Variants in MAP2 observed in about 807,000 individuals in gnomAD.
MAP2 encodes the protein microtubule-associated protein 2.
In MAP2, 14 loss-of-function variants were observed where a neutral mutation model predicts 137.6. The observed-to-expected ratio is 0.10, with a 90% CI of 0.07 to 0.16. The LOEUF is 0.16. Ranked by LOEUF, MAP2 falls within the 10% of genes least tolerant of loss-of-function variation. MAP2 has a pLI of 1.00. For missense variants in MAP2, 2,088 were observed against 2,191.5 expected (o/e 0.95, Z 0.94); for synonymous variants, 786 against 782.3 (o/e 1.00, Z -0.08).
At chr2:209,668,983 A>G (rs1185143585) in intron 5 of MAP2, among the ~76,000 whole-genome samples, 2 of 152,116 alleles carry the variant, frequency 1.3e-5, no homozygotes, top group East Asian at 1.9e-4. Flanking sequence ...TGAAAATTAC[A>G]AAGAACTACC....
chr2:209,499,802 G>A (rs1456787215), intron 1 of MAP2, among the ~76,000 whole-genome samples: 2 of 151,986 alleles, frequency 1.3e-5, no homozygotes, highest in Admixed American at 6.5e-5. Context: ...GGAGAATGCC[G>A]GGAGGAGGTG....
chr2:209,619,701 GT>G (rs1407229325), intron 3 of MAP2, among the ~76,000 whole-genome samples: 1 of 152,080 alleles, frequency 6.6e-6, no homozygotes, highest in African/African-American at 2.4e-5. Context: ...AGCAAAGTGA[GT>G]TTTAAGCTGA....
intron 4 of MAP2, among the ~76,000 whole-genome samples, chr2:209,652,718 G>A (rs576227102): frequency 1.1e-4 from 17 of 152,104 alleles, no homozygotes; most frequent in South Asian, 6.2e-4. Context: ...TTTCTAGCCC[G>A]TTTTCTCATA....
intron 1 of MAP2, among the ~76,000 whole-genome samples, chr2:209,478,163 C>T (rs1322083839): frequency 2.6e-5 from 4 of 152,044 alleles, no homozygotes; most frequent in Non-Finnish European, 5.9e-5. Context: ...TTCTGGTAAA[C>T]ACGTCATTAT....
rs879695869 is a variant in MAP2, at chr2:209,511,884, C to T, written c.-172+4243C>T. 2.6e-5 allele frequency among the ~76,000 whole-genome samples: 4 copies of T among 152,128 alleles called. No individual in the cohort carries two copies. In the East Asian group the frequency reaches 7.7e-4, roughly 29 times the overall value. ...ACTGTGCCTGGTCAATTACCTATGACTGAATCATTAATATTTATCTGAAAT... is the reference window on the plus strand; with the variant it reads ...ACTGTGCCTGGTCAATTACCTATGATTGAATCATTAATATTTATCTGAAAT... On this transcript the variant is annotated intron_variant, in intron 2 of 15. Coordinates refer to ENST00000682079, the MANE Select transcript of MAP2 (RefSeq NM_001375505.1).
intron 4 of MAP2, among the ~76,000 whole-genome samples, chr2:209,637,141 G>A (rs934872317): frequency 6.6e-6 from 1 of 152,110 alleles, no homozygotes; most frequent in Non-Finnish European, 1.5e-5. Context: ...TGGAATCCCA[G>A]AAAGAAAAGG....
At chr2:209,528,163 A>G (rs1007252332) in intron 2 of MAP2, among the ~76,000 whole-genome samples, 1 of 143,130 alleles carries the variant, frequency 7.0e-6, no homozygotes, top group Non-Finnish European at 1.5e-5. Flanking sequence ...TGTAATTCCC[A>G]TTTATTTTTA....
chr2:209,602,292 G>A (rs1033027707), intron 3 of MAP2, among the ~76,000 whole-genome samples: 1 of 152,194 alleles, frequency 6.6e-6, no homozygotes, highest in African/African-American at 2.4e-5. Context: ...AAAGACAAAT[G>A]TAAAAACTAT....
intron 1 of MAP2, among the ~76,000 whole-genome samples, chr2:209,504,304 A>C (rs566563531): frequency 5.9e-5 from 9 of 152,176 alleles, no homozygotes; most frequent in African/African-American, 2.2e-4. Flanking sequence ...TGTTTTTGCT[A>C]TGAAAGTATA....
chr2:209,478,383 G>A (rs72997619), intron 1 of MAP2, among the ~76,000 whole-genome samples: 6,678 of 152,134 alleles, frequency 0.044, 198 homozygotes, highest in Middle Eastern at 0.088. Flanking sequence ...GTGAGTTAAC[G>A]CATCCAAAGA....
intron 5 of MAP2, among the ~76,000 whole-genome samples, chr2:209,667,639 A>G (rs1316016247): frequency 6.6e-6 from 1 of 151,944 alleles, no homozygotes; most frequent in Admixed American, 6.6e-5. Flanking sequence ...ATCATAGTAA[A>G]TTGAATTTTC....
chr2:209,653,521 C>G, intron 5 of MAP2, 89 bp downstream of exon 5: 1 of 1,312,252 alleles, frequency 7.6e-7, no homozygotes, highest in East Asian at 2.5e-5. Context: ...AGCACTGATC[C>G]TCTTTCACTA....
intron 13 of MAP2, among the ~76,000 whole-genome samples, chr2:209,725,311 C>T (rs2073478673): frequency 6.6e-6 from 1 of 152,202 alleles, no homozygotes; most frequent in African/African-American, 2.4e-5. Flanking sequence ...CTATGAGCAA[C>T]ATTGGTCACT....
At chr2:209,517,862 AT>A (rs36089216) in intron 2 of MAP2, among the ~76,000 whole-genome samples, 33,844 of 150,634 alleles carry the variant, frequency 0.22, 5,067 homozygotes, top group African/African-American at 0.42. Context: ...AACCAAACAG[AT>A]TTTTTTTTTA....
chr2:209,477,908 G>A (rs919526046), intron 1 of MAP2, among the ~76,000 whole-genome samples: 2 of 152,080 alleles, frequency 1.3e-5, no homozygotes, highest in African/African-American at 4.8e-5. Flanking sequence ...GGAGGCTGAG[G>A]TGTGAGGATG....
intron 1 of MAP2, among the ~76,000 whole-genome samples, chr2:209,484,951 C>T (rs1011382382): frequency 2.6e-5 from 4 of 152,160 alleles, no homozygotes; most frequent in Non-Finnish European, 4.4e-5. Context: ...ACATTGAAAT[C>T]GGGCCGATAG....
At chr2:209,507,452 TA>T (rs911667674) in intron 1 of MAP2, 139 bp from the exon 2 acceptor site, 69 of 152,268 alleles carry the variant, frequency 4.5e-4, no homozygotes, top group African/African-American at 1.6e-3. Context: ...TCACGTATTG[TA>T]AATGGATGTG....
At chr2:209,677,544 A>T (rs184058017) in intron 5 of MAP2, among the ~76,000 whole-genome samples, 9 of 152,196 alleles carry the variant, frequency 5.9e-5, no homozygotes, top group Non-Finnish European at 1.2e-4. Context: ...ATAGCTGAGC[A>T]GGTCTGATAG....
rs757386672 is a variant in MAP2 at position 209,695,987 on chromosome 2, T to C, written c.3817T>C (p.Cys1273Arg). 3 of 1,614,126 alleles carry C rather than the reference T, an allele frequency of 1.9e-6. No homozygotes were observed. Among genetic ancestry groups the C allele is most frequent in the Non-Finnish European group, 2.5e-6 (3 of 1,180,014 alleles). ...TGCCAGGGAGGAATTTGTGGAGACCTGCCCAAGTGAACACAAAGGAGTGAT... is the reference window on the plus strand; with the variant it reads ...TGCCAGGGAGGAATTTGTGGAGACCCGCCCAAGTGAACACAAAGGAGTGAT... Reference protein sequence around the residue: ...SGAREEFVETCPSEHKGVIES... With the variant: ...SGAREEFVETRPSEHKGVIES... Residue 1273 changes from cysteine (C) to arginine (R), a missense_variant, in exon 8 of 16, where the codon TGC (cysteine) becomes CGC (arginine). By Grantham distance (180) the Cys-to-Arg change is radical. Transcript: ENST00000682079.
Sources: gnomAD v4.1 joint callset for allele counts (sites outside exome capture counted in the v4.1 genomes callset) on GRCh38, gnomAD v4.1.1 for gene constraint, MANE v1.5 for transcripts, NCBI Gene and HGNC (gene_info 2026-07-23, HGNC 2026-07-21) for gene names.